EGF: variants seen among roughly 807,000 people sequenced by gnomAD.
EGF encodes epidermal growth factor.
In EGF, 95 loss-of-function variants were observed where a neutral mutation model predicts 143.8. The ratio of observed to expected loss-of-function variants is 0.66; its 90% CI spans 0.56 to 0.78. EGF has a LOEUF of 0.78. Ranked by LOEUF, EGF falls within the 30% of genes least tolerant of loss-of-function variation. The probability of loss-of-function intolerance (pLI) is 0.00; values close to 1 mark genes in which losing one functional copy is unlikely to be tolerated. For synonymous variants in EGF, 510 were observed against 510.5 expected (o/e 1.00, Z 0.01); for missense variants, 1,320 against 1,470.9 (o/e 0.90, Z 1.68).
intron 1 of EGF, among the ~76,000 whole-genome samples, chr4:109,923,821 A>G (rs1262424667): frequency 6.6e-6 from 1 of 151,320 alleles, no homozygotes; most frequent in Non-Finnish European, 1.5e-5. Context: ...GGATTTCGCC[A>G]TGTTGCCCAG....
chr4:109,974,665 G>A (rs772029392), intron 11 of EGF, 38 bp from the exon 12 acceptor site: 10 of 1,445,028 alleles, frequency 6.9e-6, no homozygotes, highest in Non-Finnish European at 1.9e-6. Flanking sequence ...AAAAGTAAAG[G>A]TGTTATAACA....
At chr4:109,916,369 G>A (rs1736655594) in intron 1 of EGF, among the ~76,000 whole-genome samples, 2 of 152,268 alleles carry the variant, frequency 1.3e-5, no homozygotes, top group African/African-American at 2.4e-5. Context: ...GAGCTTAGTG[G>A]TAAAGAAGCA....
At chr4:109,941,788 A>C (rs1741976404) in intron 2 of EGF, among the ~76,000 whole-genome samples, 1 of 151,852 alleles carries the variant, frequency 6.6e-6, no homozygotes, top group Non-Finnish European at 1.5e-5. Context: ...TGCACTCCGC[A>C]AAAAAAATAA....
At chr4:109,947,470 G>T (rs1743056088) in intron 5 of EGF, among the ~76,000 whole-genome samples, 1 of 151,820 alleles carries the variant, frequency 6.6e-6, no homozygotes, top group African/African-American at 2.4e-5. Flanking sequence ...CAAAAGTTGT[G>T]GGAAACAGTT....
intron 5 of EGF, among the ~76,000 whole-genome samples, chr4:109,953,605 T>A (rs1463558657): frequency 1.3e-5 from 2 of 152,226 alleles, no homozygotes; most frequent in Non-Finnish European, 2.9e-5. Context: ...CATGGATTTT[T>A]AAAAATAATT....
chr4:109,991,194 A>C (rs1300403542), intron 18 of EGF, among the ~76,000 whole-genome samples: 1 of 148,400 alleles, frequency 6.7e-6, no homozygotes, highest in Non-Finnish European at 1.5e-5. Context: ...ATGTATTCAA[A>C]TATATCCAAA....
In EGF at chr4:109,988,192, CT is replaced by C. The variant is rs200891546; in HGVS notation, c.2608+350del. 0.051 allele frequency among the ~76,000 whole-genome samples: 7,011 copies of C among 138,560 alleles called. 473 individuals carry two copies. The highest frequency in any genetic ancestry group is 0.16 in the African/African-American group (6,109 of 38,170). 90.9% of individuals were successfully genotyped at this position (138,560 alleles called of 152,430 possible). A position where few individuals can be genotyped will look rare whatever the true frequency, so the allele number is the denominator to read the frequency against. ...TTCACCAATTCCAATGAAAACACAA[CT>C]TTTTTTTTTTTTTTTTTACCCCAGA... On this transcript the variant is annotated intron_variant, in intron 17 of 23. Coordinates refer to ENST00000265171, the MANE Select transcript of EGF (RefSeq NM_001963.6).
intron 11 of EGF, among the ~76,000 whole-genome samples, chr4:109,973,694 C>T (rs150278253): frequency 7.2e-5 from 11 of 152,098 alleles, no homozygotes; most frequent in Non-Finnish European, 1.3e-4. Flanking sequence ...CTCTGCCTCT[C>T]TCTCCCTCTG....
chr4:109,921,822 T>C lies in EGF; in HGVS notation c.127+8360T>C, dbSNP rs532851638. Among the ~76,000 whole-genome samples, 14 of 151,752 alleles carry C rather than the reference T, an allele frequency of 9.2e-5. No homozygotes were observed. The South Asian group carries it at 2.9e-3, about 31-fold the overall frequency. ...TCCAACACTTTTCTGGTTAAAATTT[T>C]AAAAGCTTGAAGGAGGATCTTTCTT... On this transcript the variant is annotated intron_variant, in intron 1 of 23. Transcript: ENST00000265171.
chr4:109,991,928 G>A (rs1750986506), intron 18 of EGF, among the ~76,000 whole-genome samples: 1 of 151,974 alleles, frequency 6.6e-6, no homozygotes, highest in Admixed American at 6.6e-5. Context: ...CAAGGCAGGA[G>A]GATCACTTGA....
Position 109,913,314 on chromosome 4 carries a change from A to G in EGF, c.-22A>G, listed in dbSNP as rs997528604. On this transcript the variant is annotated 5_prime_UTR_variant, in exon 1 of 24. An upstream open reading frame in the 5' UTR loses its in-frame stop. Coordinates refer to ENST00000265171, the MANE Select transcript of EGF (RefSeq NM_001963.6). ...AGCAAAATCAAGCTGTTTTCTTTTGAAAGTTCAAACTCATCAAGATTATGC... is the reference window on the plus strand; with the variant it reads ...AGCAAAATCAAGCTGTTTTCTTTTGGAAGTTCAAACTCATCAAGATTATGC... The G allele has an allele frequency of 1.2e-6, 2 of 1,613,146 alleles. No individual in the cohort carries two copies. The highest frequency in any genetic ancestry group is 8.5e-7 in the Non-Finnish European group (1 of 1,179,424).
intron 1 of EGF, among the ~76,000 whole-genome samples, chr4:109,927,599 T>C (rs540091338): frequency 6.6e-5 from 10 of 151,560 alleles, no homozygotes; most frequent in African/African-American, 2.4e-4. Flanking sequence ...TGGCGGGCGC[T>C]TGTGGTCCCA....
At chr4:109,959,155 A>T in intron 5 of EGF, 157 bp from the exon 6 acceptor site, 1 of 1,163,214 alleles carries the variant, frequency 8.6e-7, no homozygotes, top group Non-Finnish European at 1.2e-6. Context: ...GGGCTTCGGG[A>T]TGCTGGGGAA....
At chr4:109,959,496 C>A in intron 6 of EGF, 59 bp downstream of exon 6, 1 of 1,610,352 alleles carries the variant, frequency 6.2e-7, no homozygotes. Flanking sequence ...GGGAGGAATG[C>A]TCAACTGAGC....
At chr4:109,950,739 C>T (rs1297882608) in intron 5 of EGF, among the ~76,000 whole-genome samples, 5 of 152,158 alleles carry the variant, frequency 3.3e-5, no homozygotes, top group Non-Finnish European at 7.4e-5. Context: ...TTGCCACCTC[C>T]GTCCCTTCAC....
intron 16 of EGF, 50 bp downstream of exon 16, chr4:109,983,591 C>T (rs372810503): frequency 7.6e-5 from 122 of 1,611,012 alleles, no homozygotes; most frequent in Middle Eastern, 1.6e-4. Flanking sequence ...CAGTTTCCAT[C>T]CTACCAATGA....
chr4:109,920,559 C>T lies in EGF; in HGVS notation c.127+7097C>T, dbSNP rs144121725. ...GAAATCACGTTCTTTTAAAGGATTC[C>T]TAAATCTTTTTCAAGAAATTTTAAA... is the stretch of plus-strand genomic sequence containing the variant. On this transcript the variant is annotated intron_variant, in intron 1 of 23. Coordinates refer to ENST00000265171, the MANE Select transcript of EGF (RefSeq NM_001963.6). Among the ~76,000 whole-genome samples, 305 of 151,614 alleles carry T rather than the reference C, an allele frequency of 2.0e-3. 11 individuals are homozygous for T. Among genetic ancestry groups the T allele is most frequent in the African/African-American group, 7.0e-3 (287 of 40,988 alleles).
chr4:109,981,823 ATTTC>A (rs1749412024), intron 15 of EGF, among the ~76,000 whole-genome samples: 1 of 152,148 alleles, frequency 6.6e-6, no homozygotes, highest in Admixed American at 6.6e-5. Flanking sequence ...ATTTATATGC[ATTTC>A]TTATTTTATT....
intron 1 of EGF, among the ~76,000 whole-genome samples, chr4:109,918,259 T>G (rs986339080): frequency 1.3e-5 from 2 of 151,692 alleles, no homozygotes; most frequent in South Asian, 2.1e-4. Flanking sequence ...GGTGTGGTTT[T>G]TTTTTTTTTT....
Sources: gnomAD v4.1 joint callset for allele counts (sites outside exome capture counted in the v4.1 genomes callset) on GRCh38, gnomAD v4.1.1 for gene constraint, MANE v1.5 for transcripts, NCBI Gene and HGNC (gene_info 2026-07-23, HGNC 2026-07-21) for gene names.